The following ABTB2 variants were observed in gnomAD, a reference collection of about 807,000 sequenced individuals.
ABTB2 encodes ankyrin repeat and BTB/POZ domain-containing protein 2.
In ABTB2, 56 loss-of-function variants were observed where a neutral mutation model predicts 104.1. The ratio of observed to expected loss-of-function variants is 0.54; its 90% confidence interval spans 0.43 to 0.67. ABTB2 has a LOEUF of 0.67. Ranked by LOEUF, ABTB2 falls within the 30% of genes least tolerant of loss-of-function variation. The pLI, the probability that ABTB2 is intolerant of heterozygous loss-of-function variation, is 0.00. For missense variants in ABTB2, 1,279 were observed against 1,407.7 expected, an observed-to-expected ratio of 0.91 and a Z score of 1.46; for synonymous variants, 606 against 608.2, an observed-to-expected ratio of 1.00 and a Z score of 0.05.
intron 3 of ABTB2, among the ~76,000 whole-genome samples, chr11:34,183,932 A>AACGGGGAGTTTTCCTC (rs1853060871): frequency 6.6e-6 from 1 of 152,088 alleles, no homozygotes; most frequent in South Asian, 2.1e-4. Flanking sequence ...AAAAACAAAA[A>AACGGGGAGTTTTCCTC]ACGGGGAGTT....
intron 1 of ABTB2, among the ~76,000 whole-genome samples, chr11:34,316,644 T>C (rs1854933988): frequency 6.6e-6 from 1 of 152,180 alleles, no homozygotes. Flanking sequence ...CTGGTGCTGC[T>C]GAAGCCCAGC....
intron 1 of ABTB2, among the ~76,000 whole-genome samples, chr11:34,241,812 C>T (rs1327290239): frequency 6.6e-6 from 1 of 152,196 alleles, no homozygotes; most frequent in Non-Finnish European, 1.5e-5. Flanking sequence ...TTCATTCTAA[C>T]ATGTAAATGT....
chr11:34,288,618 G>A (rs781287404), intron 1 of ABTB2, among the ~76,000 whole-genome samples: 7 of 152,094 alleles, frequency 4.6e-5, no homozygotes, highest in Non-Finnish European at 8.8e-5. Context: ...TTCGGCCCAG[G>A]AGGAGGGTAG....
chr11:34,312,378 G>A (rs1411049864), intron 1 of ABTB2, among the ~76,000 whole-genome samples: 4 of 152,112 alleles, frequency 2.6e-5, no homozygotes, highest in Admixed American at 1.3e-4. Flanking sequence ...CAAATTGGGC[G>A]AGTTTTCTGC....
At chr11:34,303,816 T>C (rs1854740140) in intron 1 of ABTB2, among the ~76,000 whole-genome samples, 1 of 152,016 alleles carries the variant, frequency 6.6e-6, no homozygotes, top group African/African-American at 2.4e-5. Flanking sequence ...CTAATTTTTG[T>C]ATTTTTAGTA....
In ABTB2 at chr11:34,167,273, T is replaced by A. The variant is rs1350518255; in HGVS notation, c.1741A>T (p.Ile581Phe). ...SLTFAVLHGHISVVQLLLDAG... is the reference protein window; with the variant it reads ...SLTFAVLHGHFSVVQLLLDAG... ...CAGGAGCTCACCTGGACCACAGAGA[T>A]GTGTCCATGCAGCACAGCGAATGTC... is the stretch of plus-strand genomic sequence containing the variant. Residue 581 changes from isoleucine to phenylalanine, a missense_variant, in exon 7 of 17, where the codon ATC becomes TTC. Transcript: ENST00000435224. 6.2e-7 allele frequency: 1 copy of A among 1,611,350 alleles called. No individual in the cohort carries two copies. Among genetic ancestry groups the A allele is most frequent in the African/African-American group, 1.3e-5 (1 of 74,812 alleles).
intron 1 of ABTB2, among the ~76,000 whole-genome samples, chr11:34,242,808 C>T (rs540407801): frequency 1.3e-5 from 2 of 152,226 alleles, no homozygotes; most frequent in Admixed American, 6.5e-5. Flanking sequence ...CTCAGCTAAT[C>T]CTCAAAGTCT....
chr11:34,323,105 C>T (rs921524104), intron 1 of ABTB2, among the ~76,000 whole-genome samples: 4 of 152,112 alleles, frequency 2.6e-5, no homozygotes, highest in African/African-American at 9.7e-5. Context: ...CGGGGTTTCA[C>T]CATGTTGGCC....
At chr11:34,352,929 C>T (rs1333690294) in intron 1 of ABTB2, among the ~76,000 whole-genome samples, 2 of 152,162 alleles carry the variant, frequency 1.3e-5, no homozygotes, top group Non-Finnish European at 2.9e-5. Context: ...GGTGTGGTGG[C>T]ATATGCCTGC....
At chr11:34,243,035 C>G (rs1357022791) in intron 1 of ABTB2, among the ~76,000 whole-genome samples, 1 of 152,080 alleles carries the variant, frequency 6.6e-6, no homozygotes, top group East Asian at 1.9e-4. Flanking sequence ...ACTGACAGTC[C>G]GAATCTGGGA....
chr11:34,174,598 G>C (rs1168921865), intron 3 of ABTB2, among the ~76,000 whole-genome samples: 1 of 152,212 alleles, frequency 6.6e-6, no homozygotes, highest in East Asian at 1.9e-4. Context: ...GATTCAGCTG[G>C]GGGGCGGGGA....
chr11:34,175,285 T>A (rs1399200679), intron 3 of ABTB2, among the ~76,000 whole-genome samples: 1 of 152,220 alleles, frequency 6.6e-6, no homozygotes, highest in Non-Finnish European at 1.5e-5. Context: ...TACATACCAA[T>A]AAACCCATAG....
chr11:34,333,410 CAAAT>C (rs550619204), intron 1 of ABTB2, among the ~76,000 whole-genome samples: 21 of 152,040 alleles, frequency 1.4e-4, no homozygotes, highest in African/African-American at 3.9e-4. Flanking sequence ...CAAAACAAAA[CAAAT>C]AAATAAGAAA....
chr11:34,173,087 G>T (rs1210334967), intron 4 of ABTB2, 68 bp downstream of exon 4: 3 of 1,596,484 alleles, frequency 1.9e-6, no homozygotes, highest in Non-Finnish European at 2.6e-6. Flanking sequence ...TGGGGAAGAA[G>T]CGAGCAGAGG....
At chr11:34,230,988 G>C (rs1012718780) in intron 1 of ABTB2, among the ~76,000 whole-genome samples, 8 of 152,142 alleles carry the variant, frequency 5.3e-5, no homozygotes, top group Non-Finnish European at 1.2e-4. Context: ...TGGGGTTACA[G>C]GCATGAGCCA....
intron 1 of ABTB2, among the ~76,000 whole-genome samples, chr11:34,324,718 TG>T (rs1306331995): frequency 1.3e-5 from 2 of 152,340 alleles, no homozygotes; most frequent in East Asian, 3.9e-4. Context: ...GGCTCCCCTT[TG>T]GGGACCGCTG....
intron 1 of ABTB2, among the ~76,000 whole-genome samples, chr11:34,207,712 G>C (rs1853426456): frequency 6.6e-6 from 1 of 152,232 alleles, no homozygotes; most frequent in Non-Finnish European, 1.5e-5. Context: ...CTTGCCTAAG[G>C]TCACTGAGGG....
chr11:34,205,996 C>T (rs189558118), intron 1 of ABTB2, among the ~76,000 whole-genome samples: 43 of 152,288 alleles, frequency 2.8e-4, no homozygotes, highest in African/African-American at 7.5e-4. Context: ...CTACCAAGTG[C>T]TGTTGCTATT....
intron 14 of ABTB2, among the ~76,000 whole-genome samples, chr11:34,158,050 G>A (rs1329952368): frequency 6.6e-6 from 1 of 152,210 alleles, no homozygotes; most frequent in Non-Finnish European, 1.5e-5. Flanking sequence ...AGGCCTCAAT[G>A]GAAACCAAGC....
Sources: gnomAD v4.1 joint callset for allele counts (sites outside exome capture counted in the v4.1 genomes callset) on GRCh38, gnomAD v4.1.1 for gene constraint, MANE v1.5 for transcripts, NCBI Gene and HGNC (gene_info 2026-07-23, HGNC 2026-07-21) for gene names.